Variants in GPR107 observed in about 807,000 individuals in gnomAD.
GPR107 encodes the protein protein GPR107.
In GPR107, 31 loss-of-function variants were observed where a neutral mutation model predicts 75.5. The observed-to-expected ratio is 0.41, with a 90% CI of 0.31 to 0.55. The LOEUF (loss-of-function observed/expected upper bound fraction) is 0.55, where lower values mean the gene tolerates loss of function less well. GPR107 is among the 20% of genes least tolerant of loss of function. The pLI, the probability that GPR107 is intolerant of heterozygous loss-of-function variation, is 0.26. For synonymous variants in GPR107, 267 were observed against 251.3 expected, an observed-to-expected ratio of 1.06 and a Z score of -0.59; for missense variants, 572 against 665.7, an observed-to-expected ratio of 0.86 and a Z score of 1.55.
chr9:130,093,807 C>T (rs1830799064), intron 9 of GPR107, among the ~76,000 whole-genome samples: 3 of 151,854 alleles, frequency 2.0e-5, no homozygotes, highest in Admixed American at 2.0e-4. Flanking sequence ...ATAGCAAGAC[C>T]CCCATTTCTT....
At chr9:130,132,781 A>G (rs991124198) in intron 17 of GPR107, among the ~76,000 whole-genome samples, 3 of 149,162 alleles carry the variant, frequency 2.0e-5, no homozygotes, top group African/African-American at 7.4e-5. Context: ...GCGAGACTTC[A>G]TCTCAAAAAA....
At chr9:130,133,187 T>A (rs548600133) in intron 17 of GPR107, 1 of 152,362 alleles carries the variant, frequency 6.6e-6, no homozygotes, top group African/African-American at 2.4e-5. Flanking sequence ...TTTTCCTTGA[T>A]GACCTAGCAT....
At chr9:130,068,117 G>A (rs561982780) in intron 1 of GPR107, among the ~76,000 whole-genome samples, 2 of 151,436 alleles carry the variant, frequency 1.3e-5, no homozygotes, top group South Asian at 2.1e-4. Context: ...GTGCCTGAAG[G>A]TACTTTTTGC....
chr9:130,100,808 C>T, intron 11 of GPR107, 106 bp downstream of exon 11: 1 of 790,394 alleles, frequency 1.3e-6, no homozygotes, highest in Non-Finnish European at 2.2e-6. Context: ...CCTGTGGCAG[C>T]CTGTCTGGGC....
intron 13 of GPR107, 54 bp downstream of exon 13, chr9:130,104,604 T>C (rs7868997): frequency 0.98 from 1,497,033 of 1,520,852 alleles, 736,956 homozygotes; most frequent in East Asian, 1. Flanking sequence ...TCAAGCCCAA[T>C]AGCTGAACTG....
At chr9:130,133,822 G>C (rs960386234) in intron 17 of GPR107, among the ~76,000 whole-genome samples, 5 of 152,174 alleles carry the variant, frequency 3.3e-5, no homozygotes, top group Non-Finnish European at 5.9e-5. Context: ...TTCCGGCTTG[G>C]GGGATTCTTT....
At chr9:130,084,917 G>A (rs992027064) in intron 6 of GPR107, among the ~76,000 whole-genome samples, 8 of 152,230 alleles carry the variant, frequency 5.3e-5, no homozygotes, top group African/African-American at 1.9e-4. Flanking sequence ...TGAGTCTGGA[G>A]TTTGTTCAGG....
rs1343195637 is a variant in GPR107, at chr9:130,112,904, T to A, written c.1306+5365T>A. Among the ~76,000 whole-genome samples, 1 of 151,964 alleles carries A rather than the reference T, an allele frequency of 6.6e-6. No homozygotes were observed. Among genetic ancestry groups the A allele is most frequent in the East Asian group, 1.9e-4 (1 of 5,166 alleles). ...AGCTAGGACTACAGGCGTGTGCTGC[T>A]ATGCCTGGCTAATTTTTGTATTTTT... On this transcript the variant is annotated intron_variant, in intron 14 of 17. Transcript: ENST00000347136. This position sits in a 1 kb window ranked among gnomAD's most constrained non-coding sequence, Gnocchi z 4.0.
In GPR107 at chr9:130,097,530, C is replaced by T. The variant is rs896934245; in HGVS notation, c.864-1927C>T. ...TTTATACGTCTACCAGTGGTGCATA[C>T]ATAATAAGGTTTGCTGTTTCTCCAC... On this transcript the variant is annotated intron_variant, in intron 9 of 17. Coordinates refer to ENST00000347136, the MANE Select transcript of GPR107 (RefSeq NM_020960.5). Among the ~76,000 whole-genome samples the T allele has an allele frequency of 7.2e-5, 11 of 152,232 alleles. No homozygotes were observed. The East Asian group carries it at 1.9e-3, about 27-fold the overall frequency.
chr9:130,139,872 C>T lies in GPR107; in HGVS notation c.*4751C>T, dbSNP rs7861300. 1 of 152,160 alleles carries T rather than the reference C, an allele frequency of 6.6e-6. No individual in the cohort carries two copies. The highest frequency in any genetic ancestry group is 1.5e-5 in the Non-Finnish European group (1 of 68,048). 9.4% of individuals were successfully genotyped at this position (152,160 alleles called of 1,614,324 possible). On this transcript the variant is annotated 3_prime_UTR_variant, in exon 18 of 18. Coordinates refer to ENST00000347136, the MANE Select transcript of GPR107 (RefSeq NM_020960.5). ...GACTCTTCAAACAGCTTTTGCAGATCGTAAATTGCATTTGCCTAGTCGTGT... is the reference window on the plus strand; with the variant it reads ...GACTCTTCAAACAGCTTTTGCAGATTGTAAATTGCATTTGCCTAGTCGTGT...
intron 5 of GPR107, among the ~76,000 whole-genome samples, chr9:130,080,842 G>A (rs1564665967): frequency 6.6e-6 from 1 of 150,880 alleles, no homozygotes; most frequent in Non-Finnish European, 1.5e-5. Flanking sequence ...TTCTCCATGT[G>A]TTGATTAACC....
At chr9:130,064,331 G>T (rs1272728783) in intron 1 of GPR107, among the ~76,000 whole-genome samples, 1 of 150,340 alleles carries the variant, frequency 6.7e-6, no homozygotes, top group Non-Finnish European at 1.5e-5. Flanking sequence ...CCGAGTAGCT[G>T]GGACTACAGG....
intron 7 of GPR107, among the ~76,000 whole-genome samples, chr9:130,090,150 T>C (rs1182877220): frequency 6.6e-6 from 1 of 152,166 alleles, no homozygotes; most frequent in African/African-American, 2.4e-5. Context: ...TTCAGGGAGA[T>C]TTCTTTTTAT....
At chr9:130,084,594 A>G (rs149208176) in intron 6 of GPR107, among the ~76,000 whole-genome samples, 201 of 151,974 alleles carry the variant, frequency 1.3e-3, no homozygotes, top group Non-Finnish European at 1.9e-3. Flanking sequence ...CCTGGGCTAC[A>G]TGGCGAAACC....
In GPR107 at chr9:130,107,368, T is replaced by C. The variant is rs1831185432; in HGVS notation, c.1263-128T>C. 3 of 699,140 alleles carry C rather than the reference T, an allele frequency of 4.3e-6. No homozygotes were observed. The Admixed American group carries it at 6.0e-5, about 14-fold the overall frequency. 43.3% of individuals were successfully genotyped at this position (699,140 alleles called of 1,614,324 possible). A position where few individuals can be genotyped will look rare whatever the true frequency, so the allele number is the denominator to read the frequency against. On this transcript the variant is annotated intron_variant, in intron 13 of 17. Transcript: ENST00000347136. Reference sequence around the variant, plus strand: ...CCTCTACCCGTTTTAGGGAGAGTGCTCTAAAGTGATGTAGTCCAACCTTTC... The same window carrying C: ...CCTCTACCCGTTTTAGGGAGAGTGCCCTAAAGTGATGTAGTCCAACCTTTC...
chr9:130,132,780 C>G (rs1831857851), intron 17 of GPR107, among the ~76,000 whole-genome samples: 1 of 149,638 alleles, frequency 6.7e-6, no homozygotes, highest in East Asian at 1.9e-4. Context: ...AGCGAGACTT[C>G]ATCTCAAAAA....
chr9:130,091,148 A>G (rs1331933306), intron 8 of GPR107, among the ~76,000 whole-genome samples, 165 bp downstream of exon 8: 1 of 152,234 alleles, frequency 6.6e-6, no homozygotes, highest in Non-Finnish European at 1.5e-5. Flanking sequence ...ATAGGAAAAT[A>G]CAAAGCAATT....
intron 16 of GPR107, 36 bp from the exon 17 acceptor site, chr9:130,128,604 A>C: frequency 6.4e-7 from 1 of 1,572,254 alleles, no homozygotes; most frequent in Non-Finnish European, 8.7e-7. Flanking sequence ...CAGTGTTGCT[A>C]ATCTCTTTAT....
intron 7 of GPR107, among the ~76,000 whole-genome samples, chr9:130,087,998 G>A (rs12346450): frequency 0.32 from 48,001 of 151,904 alleles, 7,775 homozygotes; most frequent in Non-Finnish European, 0.38. Context: ...GGATCATTTT[G>A]CCTGTTCAAC....
Sources: gnomAD v4.1 joint callset for allele counts (sites outside exome capture counted in the v4.1 genomes callset) on GRCh38, gnomAD v4.1.1 for gene constraint, Gnocchi (gnomAD v3.1) non-coding constraint, MANE v1.5 for transcripts, NCBI Gene and HGNC (gene_info 2026-07-23, HGNC 2026-07-21) for gene names.